FBXO15: variants seen among roughly 807,000 people sequenced by gnomAD.
FBXO15 encodes F-box only protein 15.
FBXO15 carries 30 observed loss-of-function variants against 49.5 expected under a neutral mutation model. The ratio of observed to expected loss-of-function variants is 0.61; its 90% CI spans 0.45 to 0.82. The LOEUF (loss-of-function observed/expected upper bound fraction) is 0.82, where lower values mean the gene tolerates loss of function less well. Ranked by LOEUF, FBXO15 falls within the 40% of genes least tolerant of loss-of-function variation. The pLI, the probability that FBXO15 is intolerant of heterozygous loss-of-function variation, is 0.00. For synonymous variants in FBXO15, 250 were observed against 232.7 expected, an observed-to-expected ratio of 1.07 and a Z score of -0.68; for missense variants, 591 against 631.5, an observed-to-expected ratio of 0.94 and a Z score of 0.69.
intron 2 of FBXO15, among the ~76,000 whole-genome samples, chr18:74,137,790 T>G (rs1212714360): frequency 9.2e-5 from 14 of 152,144 alleles, no homozygotes; most frequent in Admixed American, 9.2e-4. Context: ...GTTCAGAATG[T>G]AGAACAAAGA....
intron 8 of FBXO15, among the ~76,000 whole-genome samples, chr18:74,096,079 T>C (rs546899728): frequency 1.3e-5 from 2 of 152,150 alleles, no homozygotes; most frequent in Admixed American, 1.3e-4. Flanking sequence ...ATGCAAACCA[T>C]GAGATTAAGG....
At chr18:74,090,601 G>A (rs1912982070) in intron 8 of FBXO15, among the ~76,000 whole-genome samples, 1 of 152,068 alleles carries the variant, frequency 6.6e-6, no homozygotes, top group African/African-American at 2.4e-5. Flanking sequence ...TTGATATATT[G>A]TATCTTTGTT....
At chr18:74,139,779 G>C (rs768309348) in intron 2 of FBXO15, among the ~76,000 whole-genome samples, 4 of 152,100 alleles carry the variant, frequency 2.6e-5, no homozygotes, top group Non-Finnish European at 4.4e-5. Flanking sequence ...AAGCTTCTGT[G>C]GATCTTGGTG....
At chr18:74,087,419 T>C (rs1203632661) in intron 8 of FBXO15, among the ~76,000 whole-genome samples, 1 of 152,240 alleles carries the variant, frequency 6.6e-6, no homozygotes, top group Non-Finnish European at 1.5e-5. Context: ...CCTGGTGGTA[T>C]CTGTTGTTCC....
chr18:74,103,472 C>T (rs1157432044), intron 8 of FBXO15, among the ~76,000 whole-genome samples: 4 of 151,764 alleles, frequency 2.6e-5, no homozygotes, highest in African/African-American at 7.2e-5. Flanking sequence ...TAAATAATAA[C>T]AGAAAACTTT....
chr18:74,124,419 G>C, intron 7 of FBXO15, 70 bp downstream of exon 7: 2 of 1,252,786 alleles, frequency 1.6e-6, no homozygotes, highest in Non-Finnish European at 2.3e-6. Context: ...AGGATATTAA[G>C]ATGGCATCAA....
At chr18:74,116,684 T>G (rs1216750135) in intron 8 of FBXO15, among the ~76,000 whole-genome samples, 6 of 152,162 alleles carry the variant, frequency 3.9e-5, no homozygotes, top group Admixed American at 1.3e-4. Flanking sequence ...CAGAAATCCC[T>G]CATGCCACCC....
intron 8 of FBXO15, among the ~76,000 whole-genome samples, chr18:74,091,846 T>C (rs375141828): frequency 6.6e-6 from 1 of 152,208 alleles, no homozygotes; most frequent in African/African-American, 2.4e-5. Context: ...GAGAATCCGA[T>C]GACTACATGT....
Position 74,147,819 on chromosome 18 carries a change from G to A in FBXO15, c.-34C>T, listed in dbSNP as rs571531931. On this transcript the variant is annotated 5_prime_UTR_variant, in exon 1 of 10. Coordinates refer to ENST00000419743, the MANE Select transcript of FBXO15 (RefSeq NM_001142958.2). Reference sequence around the variant, plus strand: ...GGAGTTCACCACAGGACCGCGCCAGGGCTGAAACGAAGAGTGCACGCACCG... The same window carrying A: ...GGAGTTCACCACAGGACCGCGCCAGAGCTGAAACGAAGAGTGCACGCACCG... The A allele has an allele frequency of 7.4e-5, 110 of 1,483,342 alleles. No homozygotes were observed. Among genetic ancestry groups the A allele is most frequent in the South Asian group, 7.0e-4 (55 of 78,238 alleles). 91.9% of individuals were successfully genotyped at this position (1,483,342 alleles called of 1,614,324 possible).
chr18:74,125,874 A>G, intron 6 of FBXO15, 101 bp downstream of exon 6: 1 of 1,481,982 alleles, frequency 6.7e-7, no homozygotes, highest in East Asian at 2.3e-5. Context: ...CAGTTAGTGA[A>G]AAGCTTAAAG....
chr18:74,128,822 T>C (rs1252396668), intron 5 of FBXO15, among the ~76,000 whole-genome samples: 1 of 152,268 alleles, frequency 6.6e-6, no homozygotes, highest in Non-Finnish European at 1.5e-5. Context: ...ACCCATGTGC[T>C]GCACACTTAG....
chr18:74,074,678 C>T lies in FBXO15; in HGVS notation c.1264-948G>A, dbSNP rs1382753026. On this transcript the variant is annotated intron_variant, in intron 9 of 9. Transcript: ENST00000419743. The surrounding 1 kb of genome is among the most constrained non-coding windows in gnomAD (Gnocchi z 4.7). Reference sequence around the variant, plus strand: ...GTATCCTGAAGTAAATTTAGCAGGACACAACTGTTTGTCAAAATAAAATGA... The same window carrying T: ...GTATCCTGAAGTAAATTTAGCAGGATACAACTGTTTGTCAAAATAAAATGA... 6.6e-6 allele frequency among the ~76,000 whole-genome samples: 1 copy of T among 152,214 alleles called. No individual in the cohort carries two copies. Among genetic ancestry groups the T allele is most frequent in the African/African-American group, 2.4e-5 (1 of 41,450 alleles).
chr18:74,105,869 T>G (rs1433643256), intron 8 of FBXO15, among the ~76,000 whole-genome samples: 2 of 152,262 alleles, frequency 1.3e-5, no homozygotes, highest in East Asian at 1.9e-4. Context: ...CATTCCAAAT[T>G]AATACAGATT....
At chr18:74,119,889 G>A (rs1308294351) in intron 8 of FBXO15, among the ~76,000 whole-genome samples, 1 of 152,160 alleles carries the variant, frequency 6.6e-6, no homozygotes, top group East Asian at 1.9e-4. Flanking sequence ...AGCTGTGGCT[G>A]GGACCAGGCA....
intron 8 of FBXO15, among the ~76,000 whole-genome samples, chr18:74,109,019 T>C (rs553871693): frequency 6.6e-6 from 1 of 152,252 alleles, no homozygotes; most frequent in South Asian, 2.1e-4. Context: ...AAACAAATAT[T>C]GAAGGAATTT....
chr18:74,101,900 T>C (rs981991407), intron 8 of FBXO15, among the ~76,000 whole-genome samples: 2 of 152,180 alleles, frequency 1.3e-5, no homozygotes, highest in Middle Eastern at 3.4e-3. Flanking sequence ...GCTGGGATAA[T>C]TGGCAAGTCA....
intron 8 of FBXO15, among the ~76,000 whole-genome samples, chr18:74,092,575 C>T (rs1382492172): frequency 3.9e-5 from 6 of 152,052 alleles, no homozygotes; most frequent in African/African-American, 1.2e-4. Flanking sequence ...CTTTGATGTC[C>T]GTGGGGGTAT....
chr18:74,138,666 T>C (rs1345720193), intron 2 of FBXO15, among the ~76,000 whole-genome samples: 1 of 152,046 alleles, frequency 6.6e-6, no homozygotes, highest in East Asian at 1.9e-4. Context: ...CATCCTCCTT[T>C]GCACCTATCC....
chr18:74,110,027 A>G (rs1351108213), intron 8 of FBXO15, among the ~76,000 whole-genome samples: 1 of 152,014 alleles, frequency 6.6e-6, no homozygotes, highest in Non-Finnish European at 1.5e-5. Flanking sequence ...AGATCTACAT[A>G]AAGAAATAAA....
Sources: gnomAD v4.1 joint callset for allele counts (sites outside exome capture counted in the v4.1 genomes callset) on GRCh38, gnomAD v4.1.1 for gene constraint, Gnocchi (gnomAD v3.1) non-coding constraint, MANE v1.5 for transcripts, NCBI Gene and HGNC (gene_info 2026-07-23, HGNC 2026-07-21) for gene names.